The following BRINP3 variants were observed in gnomAD, a reference collection of about 807,000 sequenced individuals.
BRINP3 encodes the protein BMP/retinoic acid-inducible neural-specific protein 3.
A neutral mutation model predicts 71.0 loss-of-function variants in BRINP3; 19 were observed. The observed-to-expected ratio is 0.27, with a 90% CI of 0.19 to 0.39. The LOEUF is 0.39. BRINP3 is among the 10% of genes least tolerant of loss of function. The probability of loss-of-function intolerance (pLI) is 1.00; values close to 1 mark genes in which losing one functional copy is unlikely to be tolerated. For missense variants in BRINP3, 959 were observed against 940.8 expected (o/e 1.02, Z -0.25); for synonymous variants, 380 against 337.7 (o/e 1.13, Z -1.37).
In BRINP3 at chr1:190,423,373, C is replaced by T. The variant is rs957678166; in HGVS notation, c.236+31282G>A. On this transcript the variant is annotated intron_variant, in intron 2 of 7. Transcript: ENST00000367462. Reference sequence around the variant, plus strand: ...ATGGAACAGAGTCTAAGGCAGCCCCCAGTCCACAATTTTGACTTGAGTTTT... The same window carrying T: ...ATGGAACAGAGTCTAAGGCAGCCCCTAGTCCACAATTTTGACTTGAGTTTT... Among the ~76,000 whole-genome samples, 3 of 151,710 alleles carry T rather than the reference C, an allele frequency of 2.0e-5. No individual in the cohort carries two copies. In the Admixed American group the frequency reaches 2.0e-4, roughly 10 times the overall value.
chr1:190,136,126 A>C (rs1366107526), intron 7 of BRINP3, among the ~76,000 whole-genome samples: 2 of 152,126 alleles, frequency 1.3e-5, no homozygotes, highest in Non-Finnish European at 2.9e-5. Context: ...AAAATATTTC[A>C]TGAGAGAAAT....
At chr1:190,408,660 T>C (rs1672462283) in intron 2 of BRINP3, among the ~76,000 whole-genome samples, 1 of 152,224 alleles carries the variant, frequency 6.6e-6, no homozygotes, top group African/African-American at 2.4e-5. Flanking sequence ...TTTTTAAATG[T>C]ATTAAACTCT....
At chr1:190,391,576 T>A (rs967819691) in intron 2 of BRINP3, among the ~76,000 whole-genome samples, 3 of 151,762 alleles carry the variant, frequency 2.0e-5, no homozygotes, top group African/African-American at 7.3e-5. Flanking sequence ...TAGCTCTTTT[T>A]AAAGAGATAC....
intron 2 of BRINP3, among the ~76,000 whole-genome samples, chr1:190,447,178 A>C (rs1675274127): frequency 1.3e-5 from 2 of 151,326 alleles, no homozygotes; most frequent in South Asian, 4.1e-4. Context: ...GTAAGATAAC[A>C]TGAAAGCACT....
chr1:190,458,404 A>G (rs1676154188), intron 1 of BRINP3, among the ~76,000 whole-genome samples: 1 of 152,110 alleles, frequency 6.6e-6, no homozygotes, highest in Admixed American at 6.5e-5. Context: ...AAAAGTCATA[A>G]TAGAATGCCT....
rs760035565 is a variant in BRINP3, at chr1:190,098,874, G to A, written c.1445C>T (p.Thr482Ile). The A allele has an allele frequency of 6.2e-7, 1 of 1,614,208 alleles. No individual in the cohort carries two copies. Among genetic ancestry groups the A allele is most frequent in the Non-Finnish European group, 8.5e-7 (1 of 1,180,038 alleles). ...AGTTTCAAAGCCAATATAGTGATCGGTGGACTCGGCGACTTCAGGCTTGCA... is the reference window on the plus strand; with the variant it reads ...AGTTTCAAAGCCAATATAGTGATCGATGGACTCGGCGACTTCAGGCTTGCA... Reference protein sequence around the residue: ...GLCKPEVAESTDHYIGFETDL... With the variant: ...GLCKPEVAESIDHYIGFETDL... The change falls in exon 8 of 8, where the codon ACC (threonine) becomes ATC (isoleucine). Residue 482 changes from threonine (T) to isoleucine (I), a missense_variant. Thr to Ile is a moderately conservative substitution (Grantham distance 89). Transcript: ENST00000367462.
intron 3 of BRINP3, among the ~76,000 whole-genome samples, chr1:190,269,878 A>G (rs143505760): frequency 9.2e-4 from 140 of 152,072 alleles, no homozygotes; most frequent in African/African-American, 3.1e-3. Context: ...CCACAATCCT[A>G]CTTTTTAGAA....
chr1:190,308,040 G>T (rs889325941), intron 2 of BRINP3, among the ~76,000 whole-genome samples: 6 of 151,842 alleles, frequency 4.0e-5, no homozygotes, highest in Admixed American at 4.0e-4. Flanking sequence ...CTTTCTGTTT[G>T]ATATGGTATA....
intron 5 of BRINP3, among the ~76,000 whole-genome samples, chr1:190,232,463 T>C (rs140566003): frequency 2.0e-5 from 3 of 152,126 alleles, no homozygotes; most frequent in African/African-American, 7.2e-5. Flanking sequence ...GGTCTTGAAA[T>C]TGACTTCCTA....
chr1:190,475,014 T>G (rs1677410070), intron 1 of BRINP3, among the ~76,000 whole-genome samples: 2 of 150,268 alleles, frequency 1.3e-5, no homozygotes, highest in Admixed American at 6.6e-5. Flanking sequence ...AAACCCTCAC[T>G]CTTTGCTTTT....
intron 2 of BRINP3, among the ~76,000 whole-genome samples, chr1:190,284,805 A>T (rs1663295659): frequency 6.6e-6 from 1 of 152,088 alleles, no homozygotes; most frequent in Non-Finnish European, 1.5e-5. Flanking sequence ...ATATCACCAA[A>T]CTAAAACTAA....
chr1:190,251,063 T>C (rs748083342), intron 4 of BRINP3, among the ~76,000 whole-genome samples: 1 of 150,836 alleles, frequency 6.6e-6, no homozygotes, highest in Non-Finnish European at 1.5e-5. Context: ...TAAATAATAA[T>C]AACAACAACA....
chr1:190,182,087 T>C (rs1180397140), intron 6 of BRINP3, among the ~76,000 whole-genome samples: 1 of 152,056 alleles, frequency 6.6e-6, no homozygotes, highest in Non-Finnish European at 1.5e-5. Flanking sequence ...TATAGGTAAA[T>C]GTTGGTTCTC....
At chr1:190,374,582 A>C (rs1180878144) in intron 2 of BRINP3, among the ~76,000 whole-genome samples, 1 of 152,124 alleles carries the variant, frequency 6.6e-6, no homozygotes, top group Admixed American at 6.6e-5. Flanking sequence ...ACAAACAATC[A>C]AAGAATTCAG....
intron 2 of BRINP3, among the ~76,000 whole-genome samples, chr1:190,448,463 T>TTGTG (rs67524700): frequency 0.077 from 9,583 of 125,082 alleles, 399 homozygotes; most frequent in Non-Finnish European, 0.11. Context: ...CACTTGGGGT[T>TTGTG]TGTGTGTGTG....
intron 2 of BRINP3, among the ~76,000 whole-genome samples, chr1:190,380,578 T>A (rs1670483890): frequency 6.6e-6 from 1 of 152,022 alleles, no homozygotes; most frequent in Non-Finnish European, 1.5e-5. Context: ...AGAAAAGACA[T>A]CCTAGGACTG....
At chr1:190,237,807 TA>T (rs1166944414) in intron 4 of BRINP3, among the ~76,000 whole-genome samples, 2 of 152,066 alleles carry the variant, frequency 1.3e-5, no homozygotes, top group Non-Finnish European at 2.9e-5. Flanking sequence ...ATTATGAACA[TA>T]AAACACTGGA....
At chr1:190,376,447 G>A (rs1176014150) in intron 2 of BRINP3, among the ~76,000 whole-genome samples, 1 of 151,940 alleles carries the variant, frequency 6.6e-6, no homozygotes, top group Non-Finnish European at 1.5e-5. Context: ...TTTATAACTG[G>A]TTTTAACAGA....
At chr1:190,219,608 G>A (rs967671088) in intron 6 of BRINP3, among the ~76,000 whole-genome samples, 2 of 151,934 alleles carry the variant, frequency 1.3e-5, no homozygotes, top group Non-Finnish European at 1.5e-5. Context: ...GGGAGGCCGA[G>A]GTGGGTGGAT....
Sources: gnomAD v4.1 joint callset for allele counts (sites outside exome capture counted in the v4.1 genomes callset) on GRCh38, gnomAD v4.1.1 for gene constraint, MANE v1.5 for transcripts, NCBI Gene and HGNC (gene_info 2026-07-23, HGNC 2026-07-21) for gene names.